The following AKT1S1 variants were observed in gnomAD, a reference collection of about 807,000 sequenced individuals.
The protein encoded by AKT1S1 is proline-rich AKT1 substrate 1.
In AKT1S1, 17 loss-of-function variants were observed where a neutral mutation model predicts 21.2. That is an observed-to-expected ratio of 0.80 (90% CI 0.55 to 1.20). The LOEUF is 1.20. Ranked by LOEUF, AKT1S1 falls within the 50% of genes most tolerant of loss-of-function variation. The probability of loss-of-function intolerance (pLI) is 0.00; values close to 1 mark genes in which losing one functional copy is unlikely to be tolerated. For synonymous variants in AKT1S1, 181 were observed against 165.6 expected (o/e 1.09, Z -0.72); for missense variants, 366 against 368.3 (o/e 0.99, Z 0.05).
chr19:49,872,190 A>C (rs8112830), intron 2 of AKT1S1, among the ~76,000 whole-genome samples: 7 of 151,490 alleles, frequency 4.6e-5, no homozygotes, highest in Non-Finnish European at 8.8e-5. Flanking sequence ...AGAAACATGC[A>C]ATGACTATGA....
chr19:49,876,543 G>A, intron 1 of AKT1S1: 3 of 1,462,584 alleles, frequency 2.1e-6, no homozygotes, highest in South Asian at 1.4e-5. Flanking sequence ...CCAGCGCCCC[G>A]CTGCCTCAGG....
rs1316822011 is a variant in AKT1S1, at chr19:49,873,005, G to A, written c.291C>T (p.Thr97=). 3.8e-6 allele frequency: 6 copies of A among 1,577,056 alleles called. No individual in the cohort carries two copies. The highest frequency in any genetic ancestry group is 5.2e-6 in the Non-Finnish European group (6 of 1,162,584). The change falls in exon 2 of 5, where the codon ACC becomes ACT. Residue 97 remains threonine, a synonymous_variant. Transcript: ENST00000344175. The surrounding 1 kb of genome is among the most constrained non-coding windows in gnomAD (Gnocchi z 6.9). ...PSPTPSPPRP[T]LAREDNEEDE... ...CCTCCTCGTTGTCCTCTCTGGCCAGGGTAGGCCGGGGTGGGCTGGGTGTGG... is the reference window on the plus strand; with the variant it reads ...CCTCCTCGTTGTCCTCTCTGGCCAGAGTAGGCCGGGGTGGGCTGGGTGTGG...
At chr19:49,877,718 G>C, upstream of AKT1S1, 1 of 1,600,914 alleles carries the variant, frequency 6.2e-7, no homozygotes, top group Non-Finnish European at 8.5e-7. Flanking sequence ...GCCTTCGGCG[G>C]CGACTATGGA....
rs201911037 is a variant in AKT1S1 at position 49,873,039 on chromosome 19, G to A, written c.257C>T (p.Pro86Leu). 2.2e-4 allele frequency: 336 copies of A among 1,561,020 alleles called. 1 individual carries two copies. The African/African-American group carries it at 4.1e-3, about 19-fold the overall frequency. The change falls in exon 2 of 5, where the codon CCA becomes CTA. Residue 86 changes from proline (P) to leucine (L), a missense_variant. Pro to Leu is a moderately conservative substitution (Grantham distance 98). Transcript: ENST00000344175. The surrounding 1 kb of genome is among the most constrained non-coding windows in gnomAD (Gnocchi z 6.9). ...GGGTGGGCTGGGTGTGGGACTGGGT[G>A]GCTGTGGTGCTGGTGGGGGCGCAGG... Reference protein sequence around the residue: ...RPPAPPPAPQPPSPTPSPPRP... With the variant: ...RPPAPPPAPQLPSPTPSPPRP...
At chr19:49,876,575 C>T in intron 1 of AKT1S1, 1 of 1,496,062 alleles carries the variant, frequency 6.7e-7, no homozygotes, top group Non-Finnish European at 8.9e-7. Context: ...CTCCCCACAC[C>T]GCGGTTAACA....
chr19:49,876,723 G>A (rs534998891), intron 1 of AKT1S1: 3 of 1,398,790 alleles, frequency 2.1e-6, no homozygotes, highest in African/African-American at 1.5e-5. Flanking sequence ...CTCCCTTATC[G>A]GGGCCGCCCG....
At chr19:49,871,080 G>A (rs2074878295) in intron 4 of AKT1S1, among the ~76,000 whole-genome samples, 1 of 152,188 alleles carries the variant, frequency 6.6e-6, no homozygotes, top group Non-Finnish European at 1.5e-5. Flanking sequence ...GCTTCAGGGA[G>A]GCTCAGTGAA....
chr19:49,876,059 AAGG>A (rs1226548189), intron 1 of AKT1S1: 2 of 985,494 alleles, frequency 2.0e-6, no homozygotes, highest in Non-Finnish European at 2.4e-6. Flanking sequence ...GAAAAGAGCT[AAGG>A]AGGAGAGGGG....
At position 49,869,919 on chromosome 19, in the gene AKT1S1, A is replaced by T. The variant is rs913094214; in HGVS notation, c.769T>A (p.Ter257ArgextTer26). 6.6e-7 allele frequency: 1 copy of T among 1,520,816 alleles called. No homozygotes were observed. Among genetic ancestry groups the T allele is most frequent in the South Asian group, 1.2e-5 (1 of 82,066 alleles). The allele number at this position is 1,520,816 out of a possible 1,614,324, so 94.2% of individuals were successfully genotyped here. A position where few individuals can be genotyped will look rare whatever the true frequency, so the allele number is the denominator to read the frequency against. The change falls in exon 5 of 5, where the codon TGA (stop) becomes AGA (arginine). Residue 257 changes from the stop codon to arginine, a stop_lost. Coordinates refer to ENST00000344175, the MANE Select transcript of AKT1S1 (RefSeq NM_001098633.4). ...CCGGGGCGCTCCCTCCCTGGACTTC[A>T]ATATTTCCGCTTCAGCTTCTGGAAG... ...SDFQKLKRKY* is the reference protein window; with the variant it reads ...SDFQKLKRKYR
At chr19:49,878,344 G>T, upstream of AKT1S1, 1 of 1,265,004 alleles carries the variant, frequency 7.9e-7, no homozygotes. Flanking sequence ...GTCAGCAGTG[G>T]GACCTGAAGA....
At chr19:49,871,501 G>C (rs1163601774) in intron 4 of AKT1S1, 46 bp downstream of exon 4, 2 of 1,611,032 alleles carry the variant, frequency 1.2e-6, no homozygotes, top group Non-Finnish European at 1.7e-6. Context: ...AGGCGGCTCA[G>C]AGCCCTTCCA....
At chr19:49,875,991 T>C in intron 1 of AKT1S1, 9 of 985,398 alleles carry the variant, frequency 9.1e-6, no homozygotes, top group South Asian at 4.7e-5. Context: ...AAGTGAGACG[T>C]GTTCCCCACA....
rs987724399 is a variant in AKT1S1 at position 49,869,895 on chromosome 19, C to G, written c.*22G>C. On this transcript the variant is annotated 3_prime_UTR_variant, in exon 5 of 5. Transcript: ENST00000344175. ...AGTGTGGGACGGGGCGGACGCGGCC[C>G]GGGGCGCTCCCTCCCTGGACTTCAA... The G allele has an allele frequency of 1.4e-6, 2 of 1,467,306 alleles. No individual in the cohort carries two copies. Among genetic ancestry groups the G allele is most frequent in the Admixed American group, 2.2e-5 (1 of 45,278 alleles). 90.9% of individuals were successfully genotyped at this position (1,467,306 alleles called of 1,614,324 possible). A position where few individuals can be genotyped will look rare whatever the true frequency, so the allele number is the denominator to read the frequency against.
In AKT1S1 at chr19:49,873,216, T is replaced by G; in HGVS notation, c.80A>C (p.Glu27Ala). The change falls in exon 2 of 5, where the codon GAG becomes GCG. Residue 27 changes from glutamate to alanine, a missense_variant. Coordinates refer to ENST00000344175, the MANE Select transcript of AKT1S1 (RefSeq NM_001098633.4). The surrounding 1 kb of genome is among the most constrained non-coding windows in gnomAD (Gnocchi z 6.9). ...AERFRARTGT[E>A]LVLLTAAPPP... ...CGGGGCCGCGGTCAGCAGCACCAGCTCCGTGCCAGTCCGGGCCCGGAAGCG... is the reference window on the plus strand; with the variant it reads ...CGGGGCCGCGGTCAGCAGCACCAGCGCCGTGCCAGTCCGGGCCCGGAAGCG... 1 of 1,534,486 alleles carries G rather than the reference T, an allele frequency of 6.5e-7. No homozygotes were observed. Among genetic ancestry groups the G allele is most frequent in the Non-Finnish European group, 8.7e-7 (1 of 1,149,796 alleles).
chr19:49,870,181 T>A lies in AKT1S1; in HGVS notation c.628-121A>T, dbSNP rs2074868779. 1.4e-5 allele frequency: 17 copies of A among 1,190,410 alleles called. No homozygotes were observed. The South Asian group carries it at 3.9e-4, about 27-fold the overall frequency. The allele number at this position is 1,190,410 out of a possible 1,614,324, so 73.7% of individuals were successfully genotyped here. A position where few individuals can be genotyped will look rare whatever the true frequency, so the allele number is the denominator to read the frequency against. ...TCTAGCACGTCCCTGCCCTGCCACC[T>A]GTGCCCTGCGATGCCCACTGCCAGC... On this transcript the variant is annotated intron_variant, in intron 4 of 4. Transcript: ENST00000344175.
Position 49,869,829 on chromosome 19 carries a change from C to G in AKT1S1, c.*88G>C. 2 of 1,280,574 alleles carry G rather than the reference C, an allele frequency of 1.6e-6. No individual in the cohort carries two copies. The highest frequency in any genetic ancestry group is 2.0e-6 in the Non-Finnish European group (2 of 987,120). 79.3% of individuals were successfully genotyped at this position (1,280,574 alleles called of 1,614,324 possible). A position where few individuals can be genotyped will look rare whatever the true frequency, so the allele number is the denominator to read the frequency against. ...AGACGCAAGGAGGCCGGTCCCGGAT[C>G]GGCCTCAGATTAGCAGGCCCCGGGA... On this transcript the variant is annotated 3_prime_UTR_variant, in exon 5 of 5. Transcript: ENST00000344175.
upstream of AKT1S1, chr19:49,878,141 A>C: frequency 6.4e-7 from 1 of 1,574,484 alleles, no homozygotes; most frequent in Non-Finnish European, 8.6e-7. Flanking sequence ...CCCCCAACTC[A>C]GGTGGTGTTT....
upstream of AKT1S1, chr19:49,877,678 A>C (rs772440421): frequency 3.1e-6 from 5 of 1,590,228 alleles, no homozygotes; most frequent in African/African-American, 1.3e-5. Context: ...CAACACGCTG[A>C]CTAGGAAAAG....
intron 2 of AKT1S1, 65 bp downstream of exon 2, chr19:49,872,852 C>T (rs1471611859): frequency 5.2e-6 from 8 of 1,526,822 alleles, no homozygotes; most frequent in African/African-American, 4.1e-5. Flanking sequence ...GCCCCCACCC[C>T]GACAAAGCCT....
Sources: gnomAD v4.1 joint callset for allele counts (sites outside exome capture counted in the v4.1 genomes callset) on GRCh38, gnomAD v4.1.1 for gene constraint, Gnocchi (gnomAD v3.1) non-coding constraint, MANE v1.5 for transcripts, NCBI Gene and HGNC (gene_info 2026-07-23, HGNC 2026-07-21) for gene names.